The following RASAL2 variants were observed in gnomAD, a reference collection of about 807,000 sequenced individuals.
RASAL2 encodes the protein ras GTPase-activating protein nGAP.
Under a neutral mutation model 128.9 loss-of-function variants are expected in RASAL2, and 58 were observed. That is an observed-to-expected ratio of 0.45 (90% confidence interval 0.36 to 0.56). RASAL2 has a LOEUF of 0.56. RASAL2 is among the 20% of genes least tolerant of loss of function. The pLI, the probability that RASAL2 is intolerant of heterozygous loss-of-function variation, is 0.00. For missense variants in RASAL2, 1,360 were observed against 1,601.6 expected (o/e 0.85, Z 2.57); for synonymous variants, 561 against 580.8 (o/e 0.97, Z 0.49).
At chr1:178,198,287 C>A (rs10913515) in intron 1 of RASAL2, among the ~76,000 whole-genome samples, 40,817 of 152,046 alleles carry the variant, frequency 0.27, 6,338 homozygotes, top group African/African-American at 0.44. Context: ...ACACTGTCTT[C>A]CACAATGGTT....
intron 3 of RASAL2, among the ~76,000 whole-genome samples, chr1:178,301,998 T>A (rs1667788546): frequency 6.6e-6 from 1 of 152,212 alleles, no homozygotes; most frequent in Non-Finnish European, 1.5e-5. Context: ...TTCTGACTCA[T>A]GGACAGTCCA....
chr1:178,442,973 A>G lies in RASAL2; in HGVS notation c.1226A>G (p.Gln409Arg). ...NIPTASVTGR[Q>R]FVEKWYPVST... ...CCCACTGCCAGTGTGACTGGTCGCC[A>G]ATTTGTAGAAAAGTGGTATCCAGTG... is the stretch of plus-strand genomic sequence containing the variant. Residue 409 changes from glutamine (Q) to arginine (R), a missense_variant, in exon 8 of 18, where the codon CAA (glutamine) becomes CGA (arginine). By Grantham distance (43) the Gln-to-Arg change is conservative. This residue lies in a region of RASAL2 where 617 missense variants were observed against 714.2 expected (regional missense o/e 0.86). Transcript: ENST00000367649. 1.2e-6 allele frequency: 2 copies of G among 1,614,070 alleles called. No homozygotes were observed. The highest frequency in any genetic ancestry group is 1.7e-6 in the Non-Finnish European group (2 of 1,179,966).
chr1:178,395,720 G>T (rs1315346705), intron 4 of RASAL2, among the ~76,000 whole-genome samples: 1 of 149,980 alleles, frequency 6.7e-6, no homozygotes, highest in Non-Finnish European at 1.5e-5. Flanking sequence ...TCTGCATGGA[G>T]TTAAAATCCA....
At chr1:178,124,755 T>C (rs1388219017) in intron 1 of RASAL2, among the ~76,000 whole-genome samples, 1 of 152,216 alleles carries the variant, frequency 6.6e-6, no homozygotes, top group Non-Finnish European at 1.5e-5. Flanking sequence ...CAATAGCCTC[T>C]CTTTCAGAAT....
chr1:178,368,141 T>C (rs1306599142), intron 3 of RASAL2, among the ~76,000 whole-genome samples: 3 of 152,228 alleles, frequency 2.0e-5, no homozygotes, highest in African/African-American at 7.2e-5. Context: ...GACCCCTGCC[T>C]AAATTGGTCT....
chr1:178,160,042 C>T lies in RASAL2; in HGVS notation c.202+65348C>T, dbSNP rs534174156. Among the ~76,000 whole-genome samples, 14 of 151,538 alleles carry T rather than the reference C, an allele frequency of 9.2e-5. 1 individual carries two copies. Among genetic ancestry groups the T allele is most frequent in the African/African-American group, 1.2e-4 (5 of 41,350 alleles). ...GTAGTTTTTTTTTTAAGGAAATAAC[C>T]GGTCTATTTTCTTTCTTTCTTTTTT... On this transcript the variant is annotated intron_variant, in intron 1 of 17. Coordinates refer to ENST00000367649, the MANE Select transcript of RASAL2 (RefSeq NM_170692.4).
chr1:178,103,626 T>C (rs1174112500), intron 1 of RASAL2, among the ~76,000 whole-genome samples: 1 of 152,160 alleles, frequency 6.6e-6, no homozygotes, highest in Non-Finnish European at 1.5e-5. Context: ...TTTTCATTTT[T>C]AAGAGTCATT....
intron 4 of RASAL2, among the ~76,000 whole-genome samples, chr1:178,401,634 A>G (rs1192457331): frequency 6.6e-6 from 1 of 152,164 alleles, no homozygotes; most frequent in African/African-American, 2.4e-5. Context: ...TGGGCAACGT[A>G]GTGAGACCCC....
At chr1:178,448,590 G>A (rs1234277465) in intron 9 of RASAL2, among the ~76,000 whole-genome samples, 4 of 151,836 alleles carry the variant, frequency 2.6e-5, no homozygotes, top group Non-Finnish European at 2.9e-5. Flanking sequence ...TACATAAAGA[G>A]CTTATTACAG....
chr1:178,442,362 A>C (rs1479715175), intron 7 of RASAL2, among the ~76,000 whole-genome samples: 1 of 152,170 alleles, frequency 6.6e-6, no homozygotes, highest in Non-Finnish European at 1.5e-5. Context: ...TTAACAGCTT[A>C]TCTCTTTTAT....
chr1:178,162,653 T>A (rs1661369330), intron 1 of RASAL2, among the ~76,000 whole-genome samples: 1 of 148,970 alleles, frequency 6.7e-6, no homozygotes, highest in South Asian at 2.1e-4. Flanking sequence ...AGTGGCACGA[T>A]CTCAGCTCAC....
chr1:178,253,258 A>G (rs528418360), intron 1 of RASAL2, among the ~76,000 whole-genome samples: 3 of 152,156 alleles, frequency 2.0e-5, no homozygotes, highest in East Asian at 3.9e-4. Flanking sequence ...TTCTTTTATT[A>G]TAATGATTTG....
At chr1:178,208,324 G>A (rs1034059380) in intron 1 of RASAL2, among the ~76,000 whole-genome samples, 2 of 152,086 alleles carry the variant, frequency 1.3e-5, no homozygotes, top group African/African-American at 4.8e-5. Flanking sequence ...TTGCTAGCAA[G>A]GAATATTAAT....
intron 3 of RASAL2, among the ~76,000 whole-genome samples, chr1:178,323,590 A>G (rs116607223): frequency 1.9e-3 from 286 of 152,348 alleles, no homozygotes; most frequent in African/African-American, 6.4e-3. Flanking sequence ...CACAGTATCA[A>G]GTGTACTTGG....
chr1:178,418,320 G>A (rs528534731), intron 4 of RASAL2, among the ~76,000 whole-genome samples: 8 of 152,228 alleles, frequency 5.3e-5, no homozygotes, highest in African/African-American at 1.9e-4. Flanking sequence ...AAAAGAAAGT[G>A]TTATTGAGAA....
intron 4 of RASAL2, among the ~76,000 whole-genome samples, chr1:178,392,307 G>A (rs1672962411): frequency 6.6e-6 from 1 of 152,110 alleles, no homozygotes; most frequent in African/African-American, 2.4e-5. Context: ...TAATTGACAG[G>A]GGAAGAAAGT....
At chr1:178,282,790 A>G (rs1273628477) in intron 1 of RASAL2, among the ~76,000 whole-genome samples, 1 of 152,184 alleles carries the variant, frequency 6.6e-6, no homozygotes, top group Non-Finnish European at 1.5e-5. Flanking sequence ...TAAAAGCTTT[A>G]CTTAATGGAG....
chr1:178,153,816 A>G lies in RASAL2; in HGVS notation c.202+59122A>G, dbSNP rs560628393. Among the ~76,000 whole-genome samples the G allele has an allele frequency of 1.1e-3, 163 of 152,178 alleles. 1 individual carries two copies. The highest frequency in any genetic ancestry group is 3.7e-3 in the African/African-American group (152 of 41,518). On this transcript the variant is annotated intron_variant, in intron 1 of 17. Transcript: ENST00000367649. ...AGACATCAAGGAATGGAATTGATAG[A>G]TAATGTAATTCTATGATTAACATTT...
chr1:178,138,408 T>A (rs778155924), intron 1 of RASAL2, among the ~76,000 whole-genome samples: 5 of 152,198 alleles, frequency 3.3e-5, no homozygotes, highest in Non-Finnish European at 7.4e-5. Context: ...AAGTTTTACA[T>A]AAAGTACTTT....
Sources: allele counts gnomAD v4.1 joint callset (sites outside exome capture counted in the v4.1 genomes callset), GRCh38; gene constraint gnomAD v4.1.1; regional missense constraint gnomAD v4.1.1; transcripts MANE v1.5; gene names NCBI Gene and HGNC (gene_info 2026-07-23, HGNC 2026-07-21).